Variants in SMG6 observed in about 807,000 individuals in gnomAD.
SMG6 encodes telomerase-binding protein EST1A.
In SMG6, 66 loss-of-function variants were observed where a neutral mutation model predicts 142.2. That is an observed-to-expected ratio of 0.46 (90% CI 0.38 to 0.57). The LOEUF (loss-of-function observed/expected upper bound fraction) is 0.57. Ranked by LOEUF, SMG6 falls within the 20% of genes least tolerant of loss-of-function variation. The pLI, the probability that SMG6 is intolerant of heterozygous loss-of-function variation, is 0.00. For missense variants in SMG6, 1,793 were observed against 1,832.0 expected (o/e 0.98, Z 0.39); for synonymous variants, 779 against 702.4 (o/e 1.11, Z -1.72).
intron 16 of SMG6, among the ~76,000 whole-genome samples, chr17:2,066,344 GTA>G (rs1195753714): frequency 1.3e-5 from 2 of 150,040 alleles, no homozygotes; most frequent in Non-Finnish European, 2.9e-5. Context: ...GTGTATGCGT[GTA>G]TGTGTGTACA....
In SMG6 at chr17:2,300,636, C is replaced by G. The variant is rs747454574; in HGVS notation, c.117G>C (p.Arg39Ser). The change falls in exon 2 of 19, where the codon AGG becomes AGC. Residue 39 changes from arginine to serine, a missense_variant. This residue lies in a region of SMG6 where 1,597 missense variants were observed against 1,584.6 expected (regional missense o/e 1.01). Coordinates refer to ENST00000263073, the MANE Select transcript of SMG6 (RefSeq NM_017575.5). ...CTGGACGCCTGTTATCTTTGCGCGG[C>G]CTGGCCTCCTTTAATTCCTTCATGT... ...RENMKELKEA[R>S]PRKDNRRPDL... 9 of 1,597,586 alleles carry G rather than the reference C, an allele frequency of 5.6e-6. No individual in the cohort carries two copies. The East Asian group carries it at 2.0e-4, about 36-fold the overall frequency.
chr17:2,216,574 T>C lies in SMG6; in HGVS notation c.2869+19918A>G, dbSNP rs9916657. ...TTTAAATCAACAATCTGTTAATTTC[T>C]TATTTGCCTAAACTCTTTATACATT... On this transcript the variant is annotated intron_variant, in intron 10 of 18. Coordinates refer to ENST00000263073, the MANE Select transcript of SMG6 (RefSeq NM_017575.5). 6.2e-3 allele frequency among the ~76,000 whole-genome samples: 949 copies of C among 152,336 alleles called. 11 individuals are homozygous for C. Among genetic ancestry groups the C allele is most frequent in the African/African-American group, 0.021 (868 of 41,560 alleles).
intron 8 of SMG6, among the ~76,000 whole-genome samples, chr17:2,277,060 C>A (rs527567747): frequency 2.6e-4 from 40 of 152,232 alleles, no homozygotes; most frequent in African/African-American, 9.4e-4. Context: ...GGATTACAGG[C>A]ATGAGCCACT....
intron 13 of SMG6, among the ~76,000 whole-genome samples, chr17:2,116,227 C>A (rs2069501754): frequency 6.6e-6 from 1 of 151,934 alleles, no homozygotes; most frequent in Non-Finnish European, 1.5e-5. Flanking sequence ...ATGAGCCACC[C>A]TGCCCAGCTA....
At chr17:2,093,849 A>C (rs1030910746) in intron 13 of SMG6, among the ~76,000 whole-genome samples, 4 of 152,168 alleles carry the variant, frequency 2.6e-5, no homozygotes, top group Admixed American at 1.3e-4. Context: ...TCCTGGCCTC[A>C]AGTGATCCTC....
At chr17:2,112,229 G>A (rs1267752526) in intron 13 of SMG6, among the ~76,000 whole-genome samples, 2 of 151,928 alleles carry the variant, frequency 1.3e-5, no homozygotes, top group East Asian at 1.9e-4. Flanking sequence ...AGTCGGCCGG[G>A]CGCGGTGGCT....
intron 13 of SMG6, among the ~76,000 whole-genome samples, chr17:2,121,512 A>G (rs184916798): frequency 2.8e-4 from 42 of 152,182 alleles, no homozygotes; most frequent in Admixed American, 2.0e-3. Flanking sequence ...AGGTGGAGAT[A>G]AGGGATTATA....
At chr17:2,241,629 G>T (rs375029831) in intron 9 of SMG6, among the ~76,000 whole-genome samples, 2 of 152,118 alleles carry the variant, frequency 1.3e-5, no homozygotes, top group Non-Finnish European at 2.9e-5. Flanking sequence ...GGGCTCAGGC[G>T]ATTCTCCCAC....
chr17:2,194,962 C>G (rs1029602640), intron 10 of SMG6, among the ~76,000 whole-genome samples: 14 of 152,210 alleles, frequency 9.2e-5, no homozygotes, highest in African/African-American at 2.9e-4. Context: ...CTCCCTCCCT[C>G]TTGGCTCTGG....
Position 2,298,956 on chromosome 17 carries a change from G to A in SMG6, c.1797C>T (p.Leu599=), listed in dbSNP as rs1196112020. 6.2e-6 allele frequency: 10 copies of A among 1,614,038 alleles called. No individual in the cohort carries two copies. The highest frequency in any genetic ancestry group is 1.3e-5 in the African/African-American group (1 of 74,910). The part of the protein sequence containing the change: ...DNQELQLSNL[L]SRDRISPEGL... ...CCTCCGGACTGATGCGGTCCCTGGA[G>A]AGCAGGTTGCTGAGCTGCAGTTCCT... The change falls in exon 2 of 19, where the codon CTC becomes CTT. Residue 599 remains leucine, a synonymous_variant. Coordinates refer to ENST00000263073, the MANE Select transcript of SMG6 (RefSeq NM_017575.5).
chr17:2,158,709 G>A (rs2071082610), intron 13 of SMG6, among the ~76,000 whole-genome samples: 1 of 152,076 alleles, frequency 6.6e-6, no homozygotes, highest in South Asian at 2.1e-4. Flanking sequence ...CTGGAGATCA[G>A]GAGTTGAGAC....
chr17:2,067,267 C>T (rs1388433162), intron 16 of SMG6, among the ~76,000 whole-genome samples: 1 of 152,226 alleles, frequency 6.6e-6, no homozygotes, highest in African/African-American at 2.4e-5. Flanking sequence ...AGGGCTACAG[C>T]CTGCCTTTCA....
rs377364876 is a variant in SMG6 at position 2,203,378 on chromosome 17, C to T, written c.2870-14863G>A. On this transcript the variant is annotated intron_variant, in intron 10 of 18. Transcript: ENST00000263073. The stretch of plus-strand genomic sequence containing the variant: ...CCCTTAGTAATGGGGCCCAGGAGAA[C>T]GAGGGCCTGCCATTCCAGCATCTCA... 1.5e-4 allele frequency among the ~76,000 whole-genome samples: 23 copies of T among 152,150 alleles called. No individual in the cohort carries two copies. The East Asian group carries it at 1.9e-3, about 13-fold the overall frequency.
chr17:2,163,051 T>G (rs543764038), intron 13 of SMG6, among the ~76,000 whole-genome samples: 1 of 152,080 alleles, frequency 6.6e-6, no homozygotes, highest in African/African-American at 2.4e-5. Flanking sequence ...AGGCTGGTCT[T>G]GAACTCCTGG....
At position 2,149,374 on chromosome 17, in the gene SMG6, A is replaced by G. The variant is rs1013910640; in HGVS notation, c.3357+23284T>C. 2.2e-4 allele frequency among the ~76,000 whole-genome samples: 32 copies of G among 145,884 alleles called. 1 individual carries two copies. The highest frequency in any genetic ancestry group is 7.9e-4 in the African/African-American group (31 of 39,256). ...CAAAAAAAAAAAAAAAAAAAAAAAA[A>G]GGGTTAAAATGGTAAATTTTATCTT... On this transcript the variant is annotated intron_variant, in intron 13 of 18. Coordinates refer to ENST00000263073, the MANE Select transcript of SMG6 (RefSeq NM_017575.5).
intron 15 of SMG6, among the ~76,000 whole-genome samples, chr17:2,076,488 T>G (rs2068262135): frequency 2.6e-5 from 4 of 152,180 alleles, no homozygotes; most frequent in Admixed American, 6.5e-5. Flanking sequence ...TTTGGAGCAC[T>G]GAAGCCCCCG....
At chr17:2,240,040 T>C (rs1388269693) in intron 9 of SMG6, 1 of 152,184 alleles carries the variant, frequency 6.6e-6, no homozygotes, top group Non-Finnish European at 1.5e-5. Flanking sequence ...GTGATCTGCC[T>C]CTCACCAGGA....
chr17:2,109,637 C>T (rs994077672), intron 13 of SMG6, among the ~76,000 whole-genome samples: 36 of 152,148 alleles, frequency 2.4e-4, no homozygotes, highest in African/African-American at 5.6e-4. Context: ...CCAATAACTA[C>T]GTGCTGCTTA....
Position 2,282,703 on chromosome 17 carries a change from CAG to C in SMG6, c.2603_2604del (p.Thr868ArgfsTer7). 6.2e-7 allele frequency: 1 copy of C among 1,614,158 alleles called. No homozygotes were observed. The highest frequency in any genetic ancestry group is 8.5e-7 in the Non-Finnish European group (1 of 1,180,006). The stretch of plus-strand genomic sequence containing the variant: ...TCTTGCTCAGAATCCTTCCCAGACT[CAG>C]TGCCCTGGGAAGACCGTGGATGGGA... ...HPSHPRSSQG[T>X]ESGKDSEQEN... On this transcript the variant is annotated frameshift_variant, in exon 8 of 19. Transcript: ENST00000263073. LOFTEE classifies it high-confidence loss of function.
Sources: allele counts gnomAD v4.1 joint callset (sites outside exome capture counted in the v4.1 genomes callset), GRCh38; gene constraint gnomAD v4.1.1; regional missense constraint gnomAD v4.1.1; transcripts MANE v1.5; gene names NCBI Gene and HGNC (gene_info 2026-07-23, HGNC 2026-07-21).